QRSL1: variants seen among roughly 807,000 people sequenced by gnomAD.
QRSL1 encodes glutamyl-tRNA(Gln) amidotransferase subunit A, mitochondrial.
Under a neutral mutation model 61.6 loss-of-function variants are expected in QRSL1, and 54 were observed. That is an observed-to-expected ratio of 0.88 (90% confidence interval 0.70 to 1.10). The LOEUF (loss-of-function observed/expected upper bound fraction) is 1.10, where lower values mean the gene tolerates loss of function less well. Ranked by LOEUF, QRSL1 falls within the 50% of genes least tolerant of loss-of-function variation. The pLI is 0.00. For synonymous variants in QRSL1, 228 were observed against 225.7 expected, an observed-to-expected ratio of 1.01 and a Z score of -0.09; for missense variants, 505 against 622.6, an observed-to-expected ratio of 0.81 and a Z score of 2.01.
chr6:106,665,594 A>G (rs1276285742), intron 10 of QRSL1, among the ~76,000 whole-genome samples, 188 bp from the exon 11 acceptor site: 2 of 152,252 alleles, frequency 1.3e-5, no homozygotes, highest in African/African-American at 4.8e-5. Flanking sequence ...GTGAACTGAT[A>G]CAGAATGATT....
intron 4 of QRSL1, among the ~76,000 whole-genome samples, chr6:106,646,886 G>A (rs1351269695): frequency 6.6e-6 from 1 of 151,668 alleles, no homozygotes. Flanking sequence ...AAATTAGCCG[G>A]GCGTGGTGGC....
intron 5 of QRSL1, among the ~76,000 whole-genome samples, chr6:106,650,142 CT>C (rs1284242947): frequency 2.0e-5 from 3 of 152,118 alleles, no homozygotes; most frequent in African/African-American, 7.2e-5. Context: ...CAAGTTAGGA[CT>C]GCAGGATTAG....
intron 5 of QRSL1, 82 bp downstream of exon 5, chr6:106,649,283 C>A: frequency 7.2e-7 from 1 of 1,397,320 alleles, no homozygotes; most frequent in South Asian, 1.4e-5. Flanking sequence ...TAGAGTAGTT[C>A]ATATCCTGGT....
At chr6:106,639,109 GTGTTTTGT>G (rs1430322542) in intron 1 of QRSL1, among the ~76,000 whole-genome samples, 4 of 75,654 alleles carry the variant, frequency 5.3e-5, no homozygotes, top group African/African-American at 1.7e-4. Context: ...GGTTATTTGT[GTGTTTTGT>G]TGTTTTTTTT....
At position 106,666,901 on chromosome 6, in the gene QRSL1, C is replaced by T. The variant is rs1777445496; in HGVS notation, c.*899C>T. 6.6e-6 allele frequency: 1 copy of T among 152,154 alleles called. No homozygotes were observed. Among genetic ancestry groups the T allele is most frequent in the Non-Finnish European group, 1.5e-5 (1 of 68,034 alleles). 9.4% of individuals were successfully genotyped at this position (152,154 alleles called of 1,614,324 possible). ...GGGAGGAGCTCCACTTGCAGGGACT[C>T]CTTTTATTTCCCTAAGAAAGAGCTG... On this transcript the variant is annotated 3_prime_UTR_variant, in exon 11 of 11. Transcript: ENST00000369046.
At chr6:106,664,887 A>G (rs1481040399) in intron 10 of QRSL1, among the ~76,000 whole-genome samples, 1 of 152,162 alleles carries the variant, frequency 6.6e-6, no homozygotes, top group Non-Finnish European at 1.5e-5. Flanking sequence ...ATTATCTTGA[A>G]CCCAGTTTTA....
At chr6:106,639,131 T>TTTTTG (rs770477488) in intron 1 of QRSL1, among the ~76,000 whole-genome samples, 1 of 138,562 alleles carries the variant, frequency 7.2e-6, no homozygotes, top group African/African-American at 2.8e-5. Context: ...TTTTTTTTTT[T>TTTTTG]TTTTTTTTTT....
chr6:106,651,926 G>T (rs1187117591), intron 5 of QRSL1, among the ~76,000 whole-genome samples: 2 of 152,056 alleles, frequency 1.3e-5, no homozygotes, highest in Non-Finnish European at 2.9e-5. Flanking sequence ...GTTAAAAAAG[G>T]GATGGAAACT....
intron 7 of QRSL1, chr6:106,652,840 C>T: frequency 8.0e-7 from 1 of 1,242,942 alleles, no homozygotes; most frequent in South Asian, 1.6e-5. Flanking sequence ...CTGTAATGGG[C>T]AAGATAGCAA....
At chr6:106,631,236 TAAATA>T (rs1247871559) in intron 1 of QRSL1, among the ~76,000 whole-genome samples, 1 of 152,018 alleles carries the variant, frequency 6.6e-6, no homozygotes, top group Non-Finnish European at 1.5e-5. Flanking sequence ...AAAAAATAAA[TAAATA>T]AAATAAAAAT....
rs1777469860 is a variant in QRSL1, at chr6:106,668,083, C to T, written c.*2081C>T. On this transcript the variant is annotated 3_prime_UTR_variant, in exon 11 of 11. Transcript: ENST00000369046. ...TGCTGAGATTAAAGACGTGAGCCAC[C>T]ACACCTGGCCGAAATAATAATATTC... 1 of 152,006 alleles carries T rather than the reference C, an allele frequency of 6.6e-6. No individual in the cohort carries two copies. The highest frequency in any genetic ancestry group is 6.6e-5 in the Admixed American group (1 of 15,258). The allele number at this position is 152,006 out of a possible 1,614,324, so 9.4% of individuals were successfully genotyped here.
At chr6:106,640,194 A>G (rs895240139) in intron 1 of QRSL1, 155 bp from the exon 2 acceptor site, 6 of 636,522 alleles carry the variant, frequency 9.4e-6, no homozygotes, top group Admixed American at 3.0e-5. Flanking sequence ...CATCCACTAC[A>G]CTAAGTGTAG....
At chr6:106,655,514 CAAA>C (rs35970346) in intron 8 of QRSL1, 98 bp from the exon 9 acceptor site, 1,927 of 421,040 alleles carry the variant, frequency 4.6e-3, no homozygotes, top group East Asian at 8.2e-3. Flanking sequence ...GACTCCATCT[CAAA>C]AAAAAAAAAA....
Position 106,642,898 on chromosome 6 carries a change from G to A in QRSL1, c.284-96G>A, listed in dbSNP as rs1483468015. On this transcript the variant is annotated intron_variant, in intron 3 of 10. Coordinates refer to ENST00000369046, the MANE Select transcript of QRSL1 (RefSeq NM_018292.5). ...CCAATGGGAAGGCTCCTGAGCTGTT[G>A]GAGCCTATTCCCTGTGAATTCATGG... The A allele has an allele frequency of 5.0e-5, 46 of 914,482 alleles. No homozygotes were observed. In the South Asian group the frequency reaches 6.3e-4, roughly 13 times the overall value. The allele number at this position is 914,482 out of a possible 1,614,324, so 56.6% of individuals were successfully genotyped here.
rs1245501087 is a variant in QRSL1, at chr6:106,666,071, T to G, written c.*69T>G. 1.5e-6 allele frequency: 2 copies of G among 1,330,086 alleles called. No homozygotes were observed. The highest frequency in any genetic ancestry group is 2.1e-6 in the Non-Finnish European group (2 of 933,268). 82.4% of individuals were successfully genotyped at this position (1,330,086 alleles called of 1,614,324 possible). On this transcript the variant is annotated 3_prime_UTR_variant, in exon 11 of 11. Coordinates refer to ENST00000369046, the MANE Select transcript of QRSL1 (RefSeq NM_018292.5). ...GCTCACACCTGTAATCCCAGCACTTTGGGAGGCCAAGGCGAGCGGATCATG... is the reference window on the plus strand; with the variant it reads ...GCTCACACCTGTAATCCCAGCACTTGGGGAGGCCAAGGCGAGCGGATCATG...
At chr6:106,633,785 T>C (rs1416535131) in intron 1 of QRSL1, among the ~76,000 whole-genome samples, 1 of 152,154 alleles carries the variant, frequency 6.6e-6, no homozygotes, top group African/African-American at 2.4e-5. Flanking sequence ...CATTGTTCTA[T>C]AGGGAAATCG....
chr6:106,652,437 T>G, intron 6 of QRSL1, 30 bp from the exon 7 acceptor site: 3 of 1,613,618 alleles, frequency 1.9e-6, no homozygotes, highest in Non-Finnish European at 2.5e-6. Flanking sequence ...AAACAATATA[T>G]CTGTCATTCA....
At chr6:106,662,913 G>A in intron 9 of QRSL1, 67 bp from the exon 10 acceptor site, 2 of 1,327,172 alleles carry the variant, frequency 1.5e-6, no homozygotes, top group Non-Finnish European at 1.1e-6. Context: ...CAAGCCTAAT[G>A]TAAGATAATT....
intron 4 of QRSL1, among the ~76,000 whole-genome samples, chr6:106,645,791 A>G (rs1777098755): frequency 6.6e-6 from 1 of 152,268 alleles, no homozygotes; most frequent in African/African-American, 2.4e-5. Context: ...ACATTGAAAC[A>G]TAATTGATTT....
Sources: gnomAD v4.1 joint callset for allele counts (sites outside exome capture counted in the v4.1 genomes callset) on GRCh38, gnomAD v4.1.1 for gene constraint, MANE v1.5 for transcripts, NCBI Gene and HGNC (gene_info 2026-07-23, HGNC 2026-07-21) for gene names.